MACROD2: variants seen among roughly 807,000 people sequenced by gnomAD.
The protein encoded by MACROD2 is ADP-ribose glycohydrolase MACROD2.
MACROD2 carries 36 observed loss-of-function variants against 70.4 expected under a neutral mutation model. That is an observed-to-expected ratio of 0.51 (90% confidence interval 0.39 to 0.68). The LOEUF is 0.68. Among genes scored for constraint, MACROD2 ranks in the 30% least tolerant of loss-of-function variants. MACROD2 has a pLI of 0.00. For synonymous variants in MACROD2, 172 were observed against 178.8 expected (o/e 0.96, Z 0.30); for missense variants, 496 against 538.4 (o/e 0.92, Z 0.78).
At chr20:15,629,329 C>T (rs2049253866) in intron 8 of MACROD2, among the ~76,000 whole-genome samples, 1 of 152,152 alleles carries the variant, frequency 6.6e-6, no homozygotes, top group Admixed American at 6.6e-5. Context: ...GTAGATTGAC[C>T]CCAAATCAGA....
intron 3 of MACROD2, among the ~76,000 whole-genome samples, chr20:14,314,253 A>G (rs954032767): frequency 2.0e-5 from 3 of 152,196 alleles, no homozygotes; most frequent in African/African-American, 7.2e-5. Flanking sequence ...GAGTAATGTA[A>G]TGAGCCCAGT....
Position 14,230,669 on chromosome 20 carries a change from C to CCATATATATATATATA in MACROD2, c.271+144941_271+144942insCATATATATATATATA, listed in dbSNP as rs1388842581. Among the ~76,000 whole-genome samples the CCATATATATATATATA allele has an allele frequency of 3.6e-4, 33 of 92,906 alleles. 4 individuals carry two copies. The highest frequency in any genetic ancestry group is 6.4e-3 in the Middle Eastern group (1 of 156). The allele number at this position is 92,906 out of a possible 152,430, so 60.9% of individuals were successfully genotyped here. On this transcript the variant is annotated intron_variant, in intron 3 of 17. Coordinates refer to ENST00000684519, the MANE Select transcript of MACROD2 (RefSeq NM_001351661.2). ...TATATATATATAACACAGGCTGGGCCTATATATATATATATATATATATAT... is the reference window on the plus strand; with the variant it reads ...TATATATATATAACACAGGCTGGGCCCATATATATATATATATATATATATATATATATATATATAT...
intron 5 of MACROD2, among the ~76,000 whole-genome samples, chr20:14,943,246 C>G (rs1486953739): frequency 1.3e-5 from 2 of 152,042 alleles, no homozygotes; most frequent in Admixed American, 6.6e-5. Context: ...ACTGATGAGA[C>G]AGTGTTATCA....
chr20:14,465,743 T>G (rs1308663376), intron 3 of MACROD2, among the ~76,000 whole-genome samples: 1 of 152,150 alleles, frequency 6.6e-6, no homozygotes, highest in South Asian at 2.1e-4. Flanking sequence ...TGACAAAATC[T>G]CTCAGCATTT....
intron 8 of MACROD2, among the ~76,000 whole-genome samples, chr20:15,650,439 T>C (rs1171104088): frequency 6.6e-6 from 1 of 152,230 alleles, no homozygotes; most frequent in Non-Finnish European, 1.5e-5. Flanking sequence ...TCTCACACTT[T>C]TGTTATCTTC....
intron 6 of MACROD2, among the ~76,000 whole-genome samples, chr20:15,380,240 A>G (rs921166663): frequency 1.3e-5 from 2 of 152,176 alleles, no homozygotes; most frequent in African/African-American, 2.4e-5. Flanking sequence ...TTATTCATCT[A>G]TTTTTGTAGC....
intron 13 of MACROD2, among the ~76,000 whole-genome samples, chr20:15,968,092 C>T (rs2066170452): frequency 6.6e-6 from 1 of 152,086 alleles, no homozygotes; most frequent in South Asian, 2.1e-4. Context: ...AGTTCTTCCA[C>T]CCAAAACATG....
intron 8 of MACROD2, among the ~76,000 whole-genome samples, chr20:15,739,804 A>C (rs1197527508): frequency 1.3e-5 from 2 of 152,232 alleles, no homozygotes; most frequent in African/African-American, 4.8e-5. Flanking sequence ...GGGAAATGCA[A>C]AAACATTTTG....
Position 15,986,742 on chromosome 20 carries a change from C to T in MACROD2, c.1001C>T (p.Ser334Leu). ...QDHPDGQENDSTKNEIKIETE... is the reference protein window; with the variant it reads ...QDHPDGQENDLTKNEIKIETE... ...TTTTGAACAGGACAAGAGAATGATT[C>T]AACGAAGAATGAAATAAAAATTGAA... is the stretch of plus-strand genomic sequence containing the variant. The change falls in exon 14 of 18, where the codon TCA becomes TTA. Residue 334 changes from serine to leucine, a missense_variant. By Grantham distance (145) the Ser-to-Leu change is moderately radical. Transcript: ENST00000684519. The T allele has an allele frequency of 6.2e-7, 1 of 1,613,050 alleles. No individual in the cohort carries two copies.
intron 5 of MACROD2, among the ~76,000 whole-genome samples, chr20:15,125,646 T>C (rs1156831762): frequency 6.6e-6 from 1 of 152,102 alleles, no homozygotes. Context: ...ATAAAATAAT[T>C]TACTGTAGTA....
chr20:14,150,013 C>T (rs2054995778), intron 3 of MACROD2, among the ~76,000 whole-genome samples: 1 of 152,062 alleles, frequency 6.6e-6, no homozygotes, highest in Admixed American at 6.6e-5. Flanking sequence ...TTATTTCTCT[C>T]ATCTATCAAT....
intron 5 of MACROD2, among the ~76,000 whole-genome samples, chr20:14,925,680 C>T (rs1187723793): frequency 6.6e-6 from 1 of 152,146 alleles, no homozygotes; most frequent in African/African-American, 2.4e-5. Context: ...ATTTGTATAG[C>T]GTAGAATGTA....
intron 3 of MACROD2, among the ~76,000 whole-genome samples, chr20:14,191,195 T>G (rs2081385221): frequency 6.6e-6 from 1 of 152,176 alleles, no homozygotes; most frequent in Non-Finnish European, 1.5e-5. Context: ...TCCTGCCATA[T>G]TTTTTACTCC....
chr20:14,863,029 A>G (rs1286683130), intron 5 of MACROD2, among the ~76,000 whole-genome samples: 1 of 151,962 alleles, frequency 6.6e-6, no homozygotes, highest in Non-Finnish European at 1.5e-5. Flanking sequence ...GCCACGCTAT[A>G]GTTTCTAATA....
In MACROD2 at chr20:15,945,434, CT is replaced by C. The variant is rs377462133; in HGVS notation, c.907+7897del. Among the ~76,000 whole-genome samples the C allele has an allele frequency of 4.1e-4, 62 of 152,256 alleles. No homozygotes were observed. The East Asian group carries it at 0.01, about 26-fold the overall frequency. On this transcript the variant is annotated intron_variant, in intron 12 of 17. Coordinates refer to ENST00000684519, the MANE Select transcript of MACROD2 (RefSeq NM_001351661.2). ...ACCATTCTCCTATGATAAACAAGCA[CT>C]TTTTTTCCACTCTATTGCCACATAG...
At chr20:15,219,139 G>A (rs190458908) in intron 5 of MACROD2, among the ~76,000 whole-genome samples, 1 of 152,284 alleles carries the variant, frequency 6.6e-6, no homozygotes, top group African/African-American at 2.4e-5. Context: ...CTATGGAGTC[G>A]AAAGACATCA....
At chr20:15,344,050 C>G (rs138397229) in intron 6 of MACROD2, among the ~76,000 whole-genome samples, 182 of 152,238 alleles carry the variant, frequency 1.2e-3, no homozygotes, top group Middle Eastern at 6.8e-3. Flanking sequence ...AATTTTCAGT[C>G]GTTGAGGTAT....
chr20:14,074,787 G>A (rs1430851895), intron 2 of MACROD2, among the ~76,000 whole-genome samples: 1 of 152,314 alleles, frequency 6.6e-6, no homozygotes, highest in Admixed American at 6.5e-5. Context: ...GCTTTCTGCA[G>A]TTTCAGTTAC....
chr20:14,713,771 A>G (rs1170577903), intron 5 of MACROD2, among the ~76,000 whole-genome samples: 1 of 152,224 alleles, frequency 6.6e-6, no homozygotes, highest in Non-Finnish European at 1.5e-5. Flanking sequence ...AAAAATTACT[A>G]TTATCAATTG....
Sources: allele counts gnomAD v4.1 joint callset (sites outside exome capture counted in the v4.1 genomes callset), GRCh38; gene constraint gnomAD v4.1.1; transcripts MANE v1.5; gene names NCBI Gene and HGNC (gene_info 2026-07-23, HGNC 2026-07-21).